Variants in FXR1 observed in about 807,000 individuals in gnomAD.
FXR1 encodes the protein FMR1 autosomal homolog 1, also known as RNA-binding protein FXR1.
A neutral mutation model predicts 84.0 loss-of-function variants in FXR1; 15 were observed. The ratio of observed to expected loss-of-function variants is 0.18; its 90% confidence interval spans 0.12 to 0.27. The LOEUF is 0.27. Among genes scored for constraint, FXR1 ranks in the 10% least tolerant of loss-of-function variants. FXR1 has a pLI of 1.00. For synonymous variants in FXR1, 245 were observed against 250.7 expected (o/e 0.98, Z 0.21); for missense variants, 480 against 774.4 (o/e 0.62, Z 4.51).
chr3:180,946,494 T>C lies in FXR1; in HGVS notation c.199-1371T>C, dbSNP rs1721705505. On this transcript the variant is annotated intron_variant, in intron 3 of 16. Transcript: ENST00000357559. ...AAACTTTCTTGTTTTTTGGAATATG[T>C]CGTAAGGAAGAATATAAGTCATGAG... is the stretch of plus-strand genomic sequence containing the variant. 2.0e-5 allele frequency among the ~76,000 whole-genome samples: 3 copies of C among 152,334 alleles called. No homozygotes were observed. The South Asian group carries it at 6.2e-4, about 32-fold the overall frequency.
At chr3:180,918,819 C>G (rs750597795) in intron 1 of FXR1, among the ~76,000 whole-genome samples, 5 of 152,198 alleles carry the variant, frequency 3.3e-5, no homozygotes, top group Non-Finnish European at 5.9e-5. Flanking sequence ...ACTTACCAGA[C>G]TTTGTAGGTG....
intron 3 of FXR1, among the ~76,000 whole-genome samples, chr3:180,943,695 C>G (rs1245614286): frequency 1.3e-5 from 2 of 152,152 alleles, no homozygotes; most frequent in Non-Finnish European, 2.9e-5. Flanking sequence ...TTCAGCATTT[C>G]ATCGTTCAGT....
Position 180,981,802 on chromosome 3 carries a change from A to AT in FXR1, c.*5513dup, listed in dbSNP as rs1482273337. On this transcript the variant is annotated 3_prime_UTR_variant, in exon 17 of 17. Transcript: ENST00000357559. The stretch of plus-strand genomic sequence containing the variant: ...TCACAATTTCAAGTTGGTCATGTAT[A>AT]TTTCCCTTTTACAGAGAAAGCTGAA... 1 of 152,036 alleles carries AT rather than the reference A, an allele frequency of 6.6e-6. No homozygotes were observed. The highest frequency in any genetic ancestry group is 2.4e-5 in the African/African-American group (1 of 41,408). The allele number at this position is 152,036 out of a possible 1,614,324, so 9.4% of individuals were successfully genotyped here.
intron 1 of FXR1, among the ~76,000 whole-genome samples, chr3:180,924,211 A>G (rs1025489294): frequency 6.6e-6 from 1 of 151,968 alleles, no homozygotes; most frequent in Non-Finnish European, 1.5e-5. Context: ...CGACCTCCCA[A>G]AGTGCTGGGA....
chr3:180,952,857 A>C (rs1722373105), intron 8 of FXR1, among the ~76,000 whole-genome samples: 1 of 144,524 alleles, frequency 6.9e-6, no homozygotes, highest in African/African-American at 2.6e-5. Context: ...TTAAAGAGAC[A>C]GGGTCTACTC....
rs1407830576 is a variant in FXR1, at chr3:180,981,582, A to C, written c.*5290A>C. On this transcript the variant is annotated 3_prime_UTR_variant, in exon 17 of 17. Coordinates refer to ENST00000357559, the MANE Select transcript of FXR1 (RefSeq NM_005087.4). ...GGGAAGAGGCTAAGTGACTCACAAAAATCTCTGATATTGAGGTCTAATGTG... is the reference window on the plus strand; with the variant it reads ...GGGAAGAGGCTAAGTGACTCACAAACATCTCTGATATTGAGGTCTAATGTG... 6.6e-6 allele frequency: 1 copy of C among 152,064 alleles called. No homozygotes were observed. The highest frequency in any genetic ancestry group is 6.6e-5 in the Admixed American group (1 of 15,240). 9.4% of individuals were successfully genotyped at this position (152,064 alleles called of 1,614,324 possible). A position where few individuals can be genotyped will look rare whatever the true frequency, so the allele number is the denominator to read the frequency against.
chr3:180,916,899 A>G (rs925985618), intron 1 of FXR1, among the ~76,000 whole-genome samples: 3 of 151,996 alleles, frequency 2.0e-5, no homozygotes, highest in East Asian at 3.9e-4. Flanking sequence ...CAGTGGTGCA[A>G]TCTTGGCTGG....
rs1043297845 is a variant in FXR1 at position 180,977,435 on chromosome 3, T to G, written c.*1143T>G. 6.6e-6 allele frequency: 1 copy of G among 151,870 alleles called. No homozygotes were observed. Among genetic ancestry groups the G allele is most frequent in the Non-Finnish European group, 1.5e-5 (1 of 67,902 alleles). The allele number at this position is 151,870 out of a possible 1,614,324, so 9.4% of individuals were successfully genotyped here. A position where few individuals can be genotyped will look rare whatever the true frequency, so the allele number is the denominator to read the frequency against. On this transcript the variant is annotated 3_prime_UTR_variant, in exon 17 of 17. Coordinates refer to ENST00000357559, the MANE Select transcript of FXR1 (RefSeq NM_005087.4). ...AATCAAAGGCAACTTTGGAAGACAATGGGGGATAGAAGGGATGACAAGCAA... is the reference window on the plus strand; with the variant it reads ...AATCAAAGGCAACTTTGGAAGACAAGGGGGGATAGAAGGGATGACAAGCAA...
At chr3:180,949,804 C>G (rs1024064956) in intron 7 of FXR1, among the ~76,000 whole-genome samples, 2 of 152,226 alleles carry the variant, frequency 1.3e-5, no homozygotes, top group Non-Finnish European at 2.9e-5. Flanking sequence ...TACCTTTTAT[C>G]AAACATAGCC....
chr3:180,939,985 A>G (rs1205766849), intron 3 of FXR1, among the ~76,000 whole-genome samples: 3 of 152,216 alleles, frequency 2.0e-5, no homozygotes, highest in Non-Finnish European at 4.4e-5. Flanking sequence ...GGTTTACACT[A>G]ACATTTTGTT....
Position 180,953,824 on chromosome 3 carries a change from T to G in FXR1, c.864T>G (p.Val288=). Residue 288 remains valine, a synonymous_variant, in exon 9 of 17, where the codon GTT becomes GTG. Coordinates refer to ENST00000357559, the MANE Select transcript of FXR1 (RefSeq NM_005087.4). ...FLEFVEDFIQ[V]PRNLVGKVIG... is the part of the protein sequence containing the mutation. ...AATTTGTGGAGGATTTTATTCAGGT[T>G]CCTAGGAATCTCGTTGGTAGGTACT... The G allele has an allele frequency of 1.9e-6, 3 of 1,557,974 alleles. No homozygotes were observed. The highest frequency in any genetic ancestry group is 2.7e-6 in the Non-Finnish European group (3 of 1,129,646).
At chr3:180,974,895 T>C (rs1488591300) in intron 15 of FXR1, among the ~76,000 whole-genome samples, 2 of 152,056 alleles carry the variant, frequency 1.3e-5, no homozygotes, top group East Asian at 1.9e-4. Context: ...TTTTCAAATT[T>C]AAGTATATCA....
intron 13 of FXR1, among the ~76,000 whole-genome samples, chr3:180,964,597 G>A (rs73884124): frequency 0.19 from 28,892 of 150,444 alleles, 3,178 homozygotes; most frequent in East Asian, 0.34. Context: ...AGTGGGCTTG[G>A]AAAAGCAAGA....
chr3:180,930,024 G>C (rs1576912888), intron 1 of FXR1, among the ~76,000 whole-genome samples: 1 of 152,224 alleles, frequency 6.6e-6, no homozygotes, highest in African/African-American at 2.4e-5. Flanking sequence ...CCAGCACTTT[G>C]GGAAGCCAAG....
intron 3 of FXR1, among the ~76,000 whole-genome samples, chr3:180,942,301 C>T (rs1721209951): frequency 6.8e-6 from 1 of 146,956 alleles, no homozygotes; most frequent in Non-Finnish European, 1.5e-5. Context: ...TGGCGTGAAC[C>T]CCGGAGGTGG....
At chr3:180,950,630 A>C (rs1722137771) in intron 7 of FXR1, among the ~76,000 whole-genome samples, 1 of 152,154 alleles carries the variant, frequency 6.6e-6, no homozygotes, top group Non-Finnish European at 1.5e-5. Context: ...CCCTTTAGAC[A>C]GCTGCTCATT....
intron 15 of FXR1, chr3:180,970,651 T>C (rs1472055921): frequency 6.5e-6 from 1 of 153,066 alleles, no homozygotes; most frequent in African/African-American, 2.4e-5. Context: ...CTTAGTGCTT[T>C]TATTGTCCCC....
intron 9 of FXR1, among the ~76,000 whole-genome samples, chr3:180,956,886 C>G (rs560206890): frequency 3.9e-5 from 6 of 152,232 alleles, no homozygotes; most frequent in Admixed American, 3.9e-4. Flanking sequence ...GGAAAATCTT[C>G]CATTTTAACT....
chr3:180,942,345 T>C (rs991196884), intron 3 of FXR1, among the ~76,000 whole-genome samples: 1 of 115,102 alleles, frequency 8.7e-6, no homozygotes, highest in Non-Finnish European at 1.6e-5. Context: ...GCCACTGCAC[T>C]CCAGCCTGGG....
Sources: gnomAD v4.1 joint callset for allele counts (sites outside exome capture counted in the v4.1 genomes callset) on GRCh38, gnomAD v4.1.1 for gene constraint, MANE v1.5 for transcripts, NCBI Gene and HGNC (gene_info 2026-07-23, HGNC 2026-07-21) for gene names.